The following HTRA1 variants were observed in gnomAD, a reference collection of about 807,000 sequenced individuals.
HTRA1 encodes HtrA serine peptidase 1.
In HTRA1, 26 loss-of-function variants were observed where a neutral mutation model predicts 49.7. The ratio of observed to expected loss-of-function variants is 0.52; its 90% CI spans 0.38 to 0.73. HTRA1 has a LOEUF of 0.73. Among genes scored for constraint, HTRA1 ranks in the 30% least tolerant of loss-of-function variants. The pLI, the probability that HTRA1 is intolerant of heterozygous loss-of-function variation, is 0.00. For synonymous variants in HTRA1, 291 were observed against 286.9 expected (o/e 1.01, Z -0.14); for missense variants, 561 against 667.2 (o/e 0.84, Z 1.75).
intron 3 of HTRA1, among the ~76,000 whole-genome samples, chr10:122,500,741 C>T (rs2097500531): frequency 6.6e-6 from 1 of 152,176 alleles, no homozygotes; most frequent in Non-Finnish European, 1.5e-5. Flanking sequence ...TCATTCAGCA[C>T]AGGCCCAACT....
At chr10:122,462,158 C>G (rs1329992410) in intron 1 of HTRA1, 34 bp downstream of exon 1, 5 of 1,483,948 alleles carry the variant, frequency 3.4e-6, no homozygotes, top group Non-Finnish European at 4.5e-6. Flanking sequence ...GCTCCCCACT[C>G]TCTCCATCCC....
Position 122,514,652 on chromosome 10 carries a change from T to C in HTRA1, c.*293T>C. On this transcript the variant is annotated 3_prime_UTR_variant, in exon 9 of 9. Transcript: ENST00000368984. ...GACAGTCAGCATTTGTCTCCTCCTT[T>C]AACTGAGTCATCATCTTAGTCCAAC... is the stretch of plus-strand genomic sequence containing the variant. The C allele has an allele frequency of 2.4e-6, 1 of 417,798 alleles. No individual in the cohort carries two copies. The allele number at this position is 417,798 out of a possible 1,614,324, so 25.9% of individuals were successfully genotyped here.
intron 1 of HTRA1, among the ~76,000 whole-genome samples, chr10:122,479,344 G>T (rs1172572737): frequency 6.6e-6 from 1 of 152,136 alleles, no homozygotes; most frequent in Non-Finnish European, 1.5e-5. Flanking sequence ...TTAGGCTCTT[G>T]CTTTTGCCAC....
intron 1 of HTRA1, among the ~76,000 whole-genome samples, chr10:122,467,481 T>C (rs1288468494): frequency 6.6e-6 from 1 of 152,178 alleles, no homozygotes. Flanking sequence ...ATTTAAAGCC[T>C]GGGGAGGCTT....
chr10:122,488,074 G>T (rs928067973), intron 1 of HTRA1, among the ~76,000 whole-genome samples: 1 of 152,142 alleles, frequency 6.6e-6, no homozygotes, highest in Admixed American at 6.5e-5. Flanking sequence ...TTGCCTTGGG[G>T]TGTCAGTGGG....
chr10:122,461,989 G>A lies in HTRA1; in HGVS notation c.337G>A (p.Ala113Thr), dbSNP rs140088745. Residue 113 changes from alanine to threonine, a missense_variant, in exon 1 of 9, where the codon GCC becomes ACC. Coordinates refer to ENST00000368984, the MANE Select transcript of HTRA1 (RefSeq NM_002775.5). ...RRAQAGLCVCASSEPVCGSDA... is the reference protein window; with the variant it reads ...RRAQAGLCVCTSSEPVCGSDA... The stretch of plus-strand genomic sequence containing the variant: ...CGCGCAGGCCGGCCTCTGTGTGTGC[G>A]CCAGCAGCGAGCCGGTGTGCGGCAG... The A allele has an allele frequency of 2.0e-6, 3 of 1,525,968 alleles. No homozygotes were observed. The highest frequency in any genetic ancestry group is 2.0e-5 in the Admixed American group (1 of 50,624). 94.5% of individuals were successfully genotyped at this position (1,525,968 alleles called of 1,614,324 possible). A position where few individuals can be genotyped will look rare whatever the true frequency, so the allele number is the denominator to read the frequency against.
chr10:122,478,586 G>T (rs534095315), intron 1 of HTRA1, among the ~76,000 whole-genome samples: 91 of 152,044 alleles, frequency 6.0e-4, no homozygotes, highest in Middle Eastern at 3.4e-3. Flanking sequence ...TAGAGACAGG[G>T]TTTCACCGTG....
intron 1 of HTRA1, among the ~76,000 whole-genome samples, chr10:122,478,001 G>A (rs553806271): frequency 4.0e-4 from 61 of 152,308 alleles, no homozygotes; most frequent in African/African-American, 1.4e-3. Context: ...GCTCATCCCG[G>A]CCTCCATCCT....
chr10:122,461,603 C>T lies in HTRA1; in HGVS notation c.-50C>T. On this transcript the variant is annotated 5_prime_UTR_variant, in exon 1 of 9. Transcript: ENST00000368984. ...CTCCTGCACTCTCCCCGGCGCCGCT[C>T]TCCGGCCCTCGCCCTGTCCGCCGCC... 8.4e-7 allele frequency: 1 copy of T among 1,194,298 alleles called. No individual in the cohort carries two copies. Among genetic ancestry groups the T allele is most frequent in the South Asian group, 1.4e-5 (1 of 71,310 alleles). 74.0% of individuals were successfully genotyped at this position (1,194,298 alleles called of 1,614,324 possible).
intron 4 of HTRA1, 118 bp downstream of exon 4, chr10:122,507,003 A>T: frequency 1.1e-6 from 1 of 921,322 alleles, no homozygotes; most frequent in Non-Finnish European, 1.7e-6. Flanking sequence ...ATGGAACTAG[A>T]CCAAGCCATG....
At chr10:122,471,347 G>A (rs2097486047) in intron 1 of HTRA1, among the ~76,000 whole-genome samples, 1 of 152,196 alleles carries the variant, frequency 6.6e-6, no homozygotes, top group African/African-American at 2.4e-5. Context: ...ATATCGTTCT[G>A]TCTGTGGGAT....
intron 3 of HTRA1, among the ~76,000 whole-genome samples, chr10:122,501,094 C>T (rs1565430263): frequency 6.6e-6 from 1 of 152,172 alleles, no homozygotes; most frequent in African/African-American, 2.4e-5. Context: ...CCGGTACCAC[C>T]CCCACCTGCT....
At chr10:122,505,448 G>A (rs1016698097) in intron 3 of HTRA1, among the ~76,000 whole-genome samples, 9 of 152,178 alleles carry the variant, frequency 5.9e-5, no homozygotes, top group Admixed American at 5.9e-4. Flanking sequence ...TAGTGGATGA[G>A]AGAGTCTGTT....
rs1328219271 is a variant in HTRA1, at chr10:122,461,755, G to A, written c.103G>A (p.Ala35Thr). 2 of 1,112,568 alleles carry A rather than the reference G, an allele frequency of 1.8e-6. No homozygotes were observed. The highest frequency in any genetic ancestry group is 4.6e-5 in the Admixed American group (1 of 21,918). The allele number at this position is 1,112,568 out of a possible 1,614,324, so 68.9% of individuals were successfully genotyped here. ...GGCCGGCCGCTCGGCGCCTTTGGCCGCCGGGTGCCCAGACCGCTGCGAGCC... is the reference window on the plus strand; with the variant it reads ...GGCCGGCCGCTCGGCGCCTTTGGCCACCGGGTGCCCAGACCGCTGCGAGCC... ...SRAGRSAPLA[A>T]GCPDRCEPAR... Residue 35 changes from alanine (A) to threonine (T), a missense_variant, in exon 1 of 9, where the codon GCC becomes ACC. By Grantham distance (58) the Ala-to-Thr change is moderately conservative. Around this residue, in one of 3 missense-constraint regions of HTRA1, gnomAD observed 111 missense variants for 83.7 expected, o/e 1.33. Transcript: ENST00000368984.
At chr10:122,485,881 G>T (rs961325200) in intron 1 of HTRA1, among the ~76,000 whole-genome samples, 1 of 152,212 alleles carries the variant, frequency 6.6e-6, no homozygotes, top group Non-Finnish European at 1.5e-5. Flanking sequence ...TGGCCTGGCT[G>T]GAGTTAAACC....
chr10:122,493,379 G>C (rs965854519), intron 3 of HTRA1, among the ~76,000 whole-genome samples: 17 of 152,358 alleles, frequency 1.1e-4, no homozygotes, highest in Admixed American at 1.0e-3. Flanking sequence ...ATAGAAAGCA[G>C]CTTTGAGGGC....
intron 3 of HTRA1, among the ~76,000 whole-genome samples, chr10:122,492,655 C>A (rs920151512): frequency 2.0e-5 from 3 of 152,176 alleles, no homozygotes; most frequent in Non-Finnish European, 4.4e-5. Context: ...ATTCTTGAGA[C>A]TTTCAGTGAA....
intron 1 of HTRA1, among the ~76,000 whole-genome samples, chr10:122,474,015 T>C (rs1197135464): frequency 6.6e-6 from 1 of 152,184 alleles, no homozygotes; most frequent in Non-Finnish European, 1.5e-5. Context: ...GGAAAGTCAC[T>C]GCGAAAGTCT....
chr10:122,500,637 T>C (rs1035520166), intron 3 of HTRA1, among the ~76,000 whole-genome samples: 1 of 152,174 alleles, frequency 6.6e-6, no homozygotes, highest in Non-Finnish European at 1.5e-5. Context: ...CATGTATGCA[T>C]ATACACATAG....
Sources: gnomAD v4.1 joint callset for allele counts (sites outside exome capture counted in the v4.1 genomes callset) on GRCh38, gnomAD v4.1.1 for gene constraint, gnomAD v4.1.1 regional missense constraint, MANE v1.5 for transcripts, NCBI Gene and HGNC (gene_info 2026-07-23, HGNC 2026-07-21) for gene names.